The following CPS1 variants were observed in gnomAD, a reference collection of about 807,000 sequenced individuals.
CPS1 encodes carbamoyl-phosphate synthase 1.
A neutral mutation model predicts 174.6 loss-of-function variants in CPS1; 109 were observed. The observed-to-expected ratio is 0.62, with a 90% confidence interval of 0.53 to 0.73. The LOEUF (loss-of-function observed/expected upper bound fraction) is 0.73, where lower values mean the gene tolerates loss of function less well. CPS1 is among the 30% of genes least tolerant of loss of function. The pLI is 0.00. For missense variants in CPS1, 1,689 were observed against 1,821.9 expected (o/e 0.93, Z 1.33); for synonymous variants, 637 against 632.0 (o/e 1.01, Z -0.12).
At chr2:210,674,773 G>T (rs182698758) in intron 34 of CPS1, 129 bp from the exon 35 acceptor site, 31 of 789,002 alleles carry the variant, frequency 3.9e-5, no homozygotes, top group Non-Finnish European at 6.2e-5. Context: ...GATAAAACTT[G>T]TCATTTTTTA....
intron 23 of CPS1, 92 bp downstream of exon 23, chr2:210,639,307 C>G: frequency 1.9e-6 from 2 of 1,063,644 alleles, no homozygotes; most frequent in Non-Finnish European, 1.4e-6. Flanking sequence ...CTTTGGATAT[C>G]TAGGTAATAA....
chr2:210,555,724 C>G (rs1696893167), upstream of CPS1: 1 of 454,138 alleles, frequency 2.2e-6, no homozygotes, highest in Non-Finnish European at 4.4e-6. Flanking sequence ...GCAGTACTTC[C>G]TGTTCTACAT....
intron 16 of CPS1, among the ~76,000 whole-genome samples, chr2:210,603,423 A>G (rs1052044673): frequency 6.6e-6 from 1 of 151,920 alleles, no homozygotes; most frequent in African/African-American, 2.4e-5. Flanking sequence ...TGAAAATTAC[A>G]AAAAAGGGAA....
At chr2:210,606,055 G>A (rs1452970881) in intron 17 of CPS1, among the ~76,000 whole-genome samples, 1 of 151,896 alleles carries the variant, frequency 6.6e-6, no homozygotes, top group Non-Finnish European at 1.5e-5. Context: ...AGTATCAAAT[G>A]CTATGCAAGA....
At chr2:210,508,628 C>A (rs944054548) in intron 1 of CPS1, among the ~76,000 whole-genome samples, 14 of 152,248 alleles carry the variant, frequency 9.2e-5, no homozygotes, top group African/African-American at 2.6e-4. Context: ...TGATAGACCA[C>A]TAGCAAGACT....
chr2:210,593,456 A>G, intron 11 of CPS1: 1 of 994,862 alleles, frequency 1.0e-6, no homozygotes, highest in Non-Finnish European at 1.2e-6. Context: ...AGACGGCTTC[A>G]GAAAAGAACC....
In CPS1 at chr2:210,590,177, C is replaced by T. The variant is rs142468138; in HGVS notation, c.783C>T (p.Ile261=). 2,326 of 1,612,856 alleles carry T rather than the reference C, an allele frequency of 1.4e-3. 6 individuals are homozygous for T. Among genetic ancestry groups the T allele is most frequent in the Non-Finnish European group, 1.7e-3 (1,969 of 1,179,198 alleles). ...FTKMEYDGIL[I]AGGPGNPALA... The stretch of plus-strand genomic sequence containing the variant: ...AGATGGAGTATGATGGGATTTTGAT[C>T]GCGGGAGGACCGGGGAACCCAGCTC... The change falls in exon 8 of 38, where the codon ATC becomes ATT. Residue 261 remains isoleucine (I), a synonymous_variant. Coordinates refer to ENST00000233072, the MANE Select transcript of CPS1 (RefSeq NM_001875.5).
chr2:210,546,546 C>T (rs1696570624), intron 1 of CPS1, among the ~76,000 whole-genome samples: 1 of 151,902 alleles, frequency 6.6e-6, no homozygotes, highest in Non-Finnish European at 1.5e-5. Flanking sequence ...TTTCATATGG[C>T]TTTGAAGGAT....
At chr2:210,661,854 A>T (rs1416990906) in intron 32 of CPS1, among the ~76,000 whole-genome samples, 1 of 151,712 alleles carries the variant, frequency 6.6e-6, no homozygotes, top group Admixed American at 6.6e-5. Context: ...TCTTTTAGTA[A>T]ATTGATATAT....
At chr2:210,481,602 TC>T (rs1423651242) in intron 1 of CPS1, among the ~76,000 whole-genome samples, 148 of 152,330 alleles carry the variant, frequency 9.7e-4, no homozygotes, top group African/African-American at 3.6e-3. Context: ...AGAGAGATAC[TC>T]AGGCCTTTGC....
intron 1 of CPS1, among the ~76,000 whole-genome samples, chr2:210,482,533 G>A (rs1294828733): frequency 6.6e-6 from 1 of 151,914 alleles, no homozygotes; most frequent in East Asian, 1.9e-4. Context: ...GCCTGGCCAA[G>A]TGATCCGCCC....
intron 1 of CPS1, among the ~76,000 whole-genome samples, chr2:210,506,383 T>C (rs1695285015): frequency 6.6e-6 from 1 of 151,954 alleles, no homozygotes; most frequent in African/African-American, 2.4e-5. Context: ...ACCCCATCTG[T>C]ATGTCACCAT....
chr2:210,594,671 A>G, intron 12 of CPS1, 65 bp downstream of exon 12: 2 of 1,146,866 alleles, frequency 1.7e-6, no homozygotes, highest in Non-Finnish European at 2.6e-6. Flanking sequence ...GAAGATTTTT[A>G]AAAACTAAGT....
intron 1 of CPS1, among the ~76,000 whole-genome samples, chr2:210,528,549 C>G (rs1696033354): frequency 1.3e-5 from 2 of 151,618 alleles, no homozygotes; most frequent in Non-Finnish European, 2.9e-5. Flanking sequence ...GGAAATACAC[C>G]AAGGTAGCTC....
chr2:210,672,433 C>T (rs1324277511), intron 34 of CPS1: 1 of 151,968 alleles, frequency 6.6e-6, no homozygotes, highest in African/African-American at 2.4e-5. Context: ...TGTAATGTTC[C>T]ATATTAGGGG....
upstream of CPS1, chr2:210,556,443 C>A: frequency 2.9e-6 from 2 of 687,874 alleles, no homozygotes; most frequent in Non-Finnish European, 4.8e-6. Context: ...TTTTCTACAA[C>A]CCCAGCATTA....
At chr2:210,611,324 AT>A (rs1699112820) in intron 19 of CPS1, among the ~76,000 whole-genome samples, 1 of 151,990 alleles carries the variant, frequency 6.6e-6, no homozygotes, top group African/African-American at 2.4e-5. Context: ...TGAAAATAGC[AT>A]TATGACTGCT....
At chr2:210,616,568 C>A in intron 21 of CPS1, 27 bp downstream of exon 21, 1 of 1,331,500 alleles carries the variant, frequency 7.5e-7, no homozygotes, top group Non-Finnish European at 1.1e-6. Context: ...CTCATTCATG[C>A]CAGACACCTT....
chr2:210,563,917 A>G (rs915466954), intron 1 of CPS1, among the ~76,000 whole-genome samples: 9 of 152,178 alleles, frequency 5.9e-5, no homozygotes, highest in Admixed American at 6.5e-5. Flanking sequence ...CATTATTCTG[A>G]TTCTGGAAAA....
Sources: gnomAD v4.1 joint callset for allele counts (sites outside exome capture counted in the v4.1 genomes callset) on GRCh38, gnomAD v4.1.1 for gene constraint, MANE v1.5 for transcripts, NCBI Gene and HGNC (gene_info 2026-07-23, HGNC 2026-07-21) for gene names.